Variants in BCAS4 observed in about 807,000 individuals in gnomAD.
BCAS4 encodes breast carcinoma amplified sequence 4, also known as breast carcinoma-amplified sequence 4.
Under a neutral mutation model 15.7 loss-of-function variants are expected in BCAS4, and 9 were observed. That is an observed-to-expected ratio of 0.57 (90% CI 0.34 to 1.00). The LOEUF (loss-of-function observed/expected upper bound fraction) is 1.00. BCAS4 is among the 50% of genes least tolerant of loss of function. BCAS4 has a pLI of 0.02. For missense variants in BCAS4, 225 were observed against 239.1 expected (o/e 0.94, Z 0.39); for synonymous variants, 101 against 99.5 (o/e 1.02, Z -0.09).
downstream of BCAS4, chr20:50,877,326 G>A (rs41274690): frequency 0.23 from 34,826 of 152,088 alleles, 6,264 homozygotes; most frequent in African/African-American, 0.5. Flanking sequence ...GGGTAGTCCC[G>A]GCCTTTGGAT....
At chr20:50,843,106 C>T (rs1006257464) in intron 4 of BCAS4, among the ~76,000 whole-genome samples, 2 of 152,080 alleles carry the variant, frequency 1.3e-5, no homozygotes, top group East Asian at 1.9e-4. Context: ...ACTGCAGGCA[C>T]GCACCATCAC....
At chr20:50,806,862 C>CTTTTT (rs34670373) in intron 1 of BCAS4, among the ~76,000 whole-genome samples, 1 of 83,356 alleles carries the variant, frequency 1.2e-5, no homozygotes, top group Non-Finnish European at 2.1e-5. Flanking sequence ...TCCATTTATA[C>CTTTTT]TTTTTTTTTT....
At chr20:50,863,199 C>T (rs977906942) in intron 4 of BCAS4, among the ~76,000 whole-genome samples, 6 of 149,152 alleles carry the variant, frequency 4.0e-5, no homozygotes, top group Non-Finnish European at 7.4e-5. Flanking sequence ...AGTATTTGTG[C>T]AACCTGACAA....
intron 4 of BCAS4, among the ~76,000 whole-genome samples, chr20:50,847,531 A>T (rs897705945): frequency 6.6e-6 from 1 of 152,162 alleles, no homozygotes; most frequent in African/African-American, 2.4e-5. Flanking sequence ...AATCCTCATA[A>T]CATCCCACAA....
At chr20:50,859,408 G>A (rs915119116) in intron 4 of BCAS4, among the ~76,000 whole-genome samples, 1 of 152,190 alleles carries the variant, frequency 6.6e-6, no homozygotes, top group African/African-American at 2.4e-5. Flanking sequence ...CCTGGCGATG[G>A]CCTAGTGTGT....
intron 1 of BCAS4, among the ~76,000 whole-genome samples, chr20:50,796,978 G>A (rs183297410): frequency 2.6e-5 from 4 of 151,932 alleles, no homozygotes; most frequent in African/African-American, 7.3e-5. Flanking sequence ...CCACAGGTGC[G>A]CACCACCATG....
intron 1 of BCAS4, among the ~76,000 whole-genome samples, chr20:50,808,104 G>A (rs1435690941): frequency 6.6e-6 from 1 of 151,780 alleles, no homozygotes; most frequent in African/African-American, 2.4e-5. Flanking sequence ...AATAGAGATG[G>A]GGTTTCACCA....
chr20:50,809,310 A>C (rs994062808), intron 1 of BCAS4, among the ~76,000 whole-genome samples: 1 of 152,014 alleles, frequency 6.6e-6, no homozygotes, highest in Non-Finnish European at 1.5e-5. Context: ...CCTGGGTTCA[A>C]GCAATTCTCC....
chr20:50,861,303 T>C (rs1051586340), intron 4 of BCAS4, among the ~76,000 whole-genome samples: 4 of 152,194 alleles, frequency 2.6e-5, no homozygotes, highest in African/African-American at 9.6e-5. Context: ...GGTGTGGGCA[T>C]GGACTAGGAA....
At chr20:50,823,105 C>T (rs1033927063) in intron 2 of BCAS4, among the ~76,000 whole-genome samples, 7 of 151,590 alleles carry the variant, frequency 4.6e-5, no homozygotes, top group East Asian at 3.9e-4. Context: ...TTTGGGAGGC[C>T]GAGGCGGGTG....
chr20:50,820,946 T>C (rs1280794027), intron 2 of BCAS4, among the ~76,000 whole-genome samples: 1 of 152,202 alleles, frequency 6.6e-6, no homozygotes, highest in Non-Finnish European at 1.5e-5. Flanking sequence ...TAGAATTTCA[T>C]GTGAAAAATC....
At chr20:50,845,064 G>A (rs1275578528) in intron 4 of BCAS4, among the ~76,000 whole-genome samples, 2 of 152,144 alleles carry the variant, frequency 1.3e-5, no homozygotes, top group African/African-American at 4.8e-5. Context: ...ATCACCGCTG[G>A]TGTTGGGGCC....
chr20:50,866,890 C>T (rs1568685350), intron 4 of BCAS4, among the ~76,000 whole-genome samples: 1 of 152,200 alleles, frequency 6.6e-6, no homozygotes, highest in Non-Finnish European at 1.5e-5. Context: ...CCTCTCTCAG[C>T]CGCTGTGAGG....
intron 4 of BCAS4, among the ~76,000 whole-genome samples, chr20:50,847,083 C>T (rs1469607490): frequency 1.3e-5 from 2 of 152,090 alleles, no homozygotes; most frequent in Admixed American, 1.3e-4. Flanking sequence ...AGCTCCGGAA[C>T]TCTCAGGAGG....
chr20:50,804,159 C>G (rs2087962249), intron 1 of BCAS4, among the ~76,000 whole-genome samples: 1 of 152,186 alleles, frequency 6.6e-6, no homozygotes, highest in Non-Finnish European at 1.5e-5. Flanking sequence ...CTGCTTCAGC[C>G]TCCCAAATAG....
At chr20:50,801,822 G>A (rs972026979) in intron 1 of BCAS4, among the ~76,000 whole-genome samples, 2 of 152,168 alleles carry the variant, frequency 1.3e-5, no homozygotes, top group Non-Finnish European at 2.9e-5. Context: ...GGGTGATAGG[G>A]ACTGAGGGGA....
At chr20:50,881,075 A>G (rs1167476911), downstream of BCAS4, 3 of 152,114 alleles carry the variant, frequency 2.0e-5, no homozygotes, top group South Asian at 2.1e-4. Context: ...TCTGTAAAAA[A>G]TAGAAAAATT....
chr20:50,830,458 G>T (rs1344876351), intron 3 of BCAS4, 78 bp downstream of exon 3: 5 of 1,235,548 alleles, frequency 4.0e-6, no homozygotes, highest in Non-Finnish European at 5.8e-6. Flanking sequence ...CGCCGATCTG[G>T]CCTTGAGCAT....
intron 1 of BCAS4, among the ~76,000 whole-genome samples, chr20:50,800,075 A>G (rs1237492558): frequency 6.6e-6 from 1 of 152,164 alleles, no homozygotes; most frequent in East Asian, 1.9e-4. Flanking sequence ...AAACCGTAAC[A>G]AAACCTCTAA....
Sources: gnomAD v4.1 joint callset for allele counts (sites outside exome capture counted in the v4.1 genomes callset) on GRCh38, gnomAD v4.1.1 for gene constraint, MANE v1.5 for transcripts, NCBI Gene and HGNC (gene_info 2026-07-23, HGNC 2026-07-21) for gene names.